The following CTNNA2 variants were observed in gnomAD, a reference collection of about 807,000 sequenced individuals.
The protein encoded by CTNNA2 is catenin alpha-2.
CTNNA2 carries 42 observed loss-of-function variants against 101.0 expected under a neutral mutation model. The observed-to-expected ratio is 0.42, with a 90% CI of 0.32 to 0.54. The LOEUF is 0.54. Ranked by LOEUF, CTNNA2 falls within the 20% of genes least tolerant of loss-of-function variation. The pLI is 0.14. For synonymous variants in CTNNA2, 450 were observed against 456.4 expected (o/e 0.99, Z 0.18); for missense variants, 871 against 1,223.1 (o/e 0.71, Z 4.29).
At position 80,302,423 on chromosome 2, in the gene CTNNA2, G is replaced by A; in HGVS notation, c.1057-90788G>A. 1 of 1,614,224 alleles carries A rather than the reference G, an allele frequency of 6.2e-7. No homozygotes were observed. The highest frequency in any genetic ancestry group is 1.1e-5 in the South Asian group (1 of 91,084). On this transcript the variant is annotated intron_variant, in intron 7 of 18. Coordinates refer to ENST00000402739, the MANE Select transcript of CTNNA2 (RefSeq NM_001282597.3). The surrounding 1 kb of genome is among the most constrained non-coding windows in gnomAD (Gnocchi z 6.4). ...TTTCTGCTTTTGCTTCCTGCGCTGC[G>A]TGACAAAGCACTGTCTGAGCTGCCT... is the stretch of plus-strand genomic sequence containing the variant.
rs3979544 is a variant in CTNNA2 at position 79,443,903 on chromosome 2, A to ACTCTCTCTCTCTCTCTCTCTCTCTCT, written c.-134-61138_-134-61113dup. ...AAGCTTTTATCTTATTTGTATACAT[A>ACTCTCTCTCTCTCTCTCTCTCTCTCT]CTCTCTCTCTCTCTCTCTCTCTCTC... On this transcript the variant is annotated intron_variant, in intron 4 of 21. Transcript: ENST00000466387. Among the ~76,000 whole-genome samples, 74 of 141,898 alleles carry ACTCTCTCTCTCTCTCTCTCTCTCTCT rather than the reference A, an allele frequency of 5.2e-4. No homozygotes were observed. In the East Asian group the frequency reaches 9.1e-3, roughly 17 times the overall value. The allele number at this position is 141,898 out of a possible 152,430, so 93.1% of individuals were successfully genotyped here. A position where few individuals can be genotyped will look rare whatever the true frequency, so the allele number is the denominator to read the frequency against.
At chr2:80,126,507 C>T (rs553831901) in intron 7 of CTNNA2, among the ~76,000 whole-genome samples, 1 of 152,024 alleles carries the variant, frequency 6.6e-6, no homozygotes, top group Admixed American at 6.6e-5. Flanking sequence ...CCTAATCCCT[C>T]TCCCAATCCC....
intron 7 of CTNNA2, among the ~76,000 whole-genome samples, chr2:80,390,529 G>C (rs1412487708): frequency 6.6e-6 from 1 of 152,170 alleles, no homozygotes; most frequent in Non-Finnish European, 1.5e-5. Context: ...TCCCAAACGT[G>C]TCTGTAGCAA....
chr2:79,881,639 T>G (rs997128465), intron 6 of CTNNA2, among the ~76,000 whole-genome samples: 1 of 151,928 alleles, frequency 6.6e-6, no homozygotes, highest in African/African-American at 2.4e-5. Flanking sequence ...CCCCTGCTTT[T>G]TTTGCTTTCC....
intron 3 of CTNNA2, among the ~76,000 whole-genome samples, chr2:79,317,742 G>A (rs866838830): frequency 3.9e-5 from 6 of 152,088 alleles, no homozygotes; most frequent in African/African-American, 1.4e-4. Flanking sequence ...CAGCCCATCT[G>A]CAAATTTATC....
chr2:80,111,510 A>T (rs887291475), intron 7 of CTNNA2, among the ~76,000 whole-genome samples: 1 of 152,052 alleles, frequency 6.6e-6, no homozygotes, highest in African/African-American at 2.4e-5. Context: ...TCTTCCCTTT[A>T]CCTATGAAGG....
At chr2:79,934,933 A>T (rs1459602046) in intron 7 of CTNNA2, among the ~76,000 whole-genome samples, 3 of 152,224 alleles carry the variant, frequency 2.0e-5, no homozygotes, top group African/African-American at 7.2e-5. Context: ...TTTAGAATGG[A>T]TGTATAAATA....
chr2:80,561,019 T>C (rs1693540028), intron 12 of CTNNA2, among the ~76,000 whole-genome samples: 1 of 152,162 alleles, frequency 6.6e-6, no homozygotes, highest in Admixed American at 6.5e-5. Flanking sequence ...TGTGTATCAA[T>C]GGGAAATCAT....
At chr2:79,887,968 C>G (rs927125697) in intron 6 of CTNNA2, among the ~76,000 whole-genome samples, 6 of 152,196 alleles carry the variant, frequency 3.9e-5, no homozygotes, top group African/African-American at 1.4e-4. Context: ...TTAAGAAACA[C>G]TCCTGTGGGT....
chr2:80,375,277 C>G (rs780584007), intron 7 of CTNNA2, among the ~76,000 whole-genome samples: 4 of 151,990 alleles, frequency 2.6e-5, no homozygotes, highest in Non-Finnish European at 5.9e-5. Flanking sequence ...GGGAAAAGGG[C>G]CTCCCCAGGA....
chr2:79,372,678 G>C (rs1450271937), intron 3 of CTNNA2, among the ~76,000 whole-genome samples: 1 of 152,148 alleles, frequency 6.6e-6, no homozygotes, highest in Non-Finnish European at 1.5e-5. Flanking sequence ...CAGATCCCTT[G>C]AATCAATACC....
chr2:79,722,865 A>G (rs1686578021), intron 2 of CTNNA2, among the ~76,000 whole-genome samples: 1 of 152,134 alleles, frequency 6.6e-6, no homozygotes, highest in Admixed American at 6.5e-5. Flanking sequence ...ACAGATCATG[A>G]TTATGTAGTT....
At chr2:79,906,346 C>T (rs764759596) in intron 6 of CTNNA2, among the ~76,000 whole-genome samples, 2 of 152,080 alleles carry the variant, frequency 1.3e-5, no homozygotes, top group Non-Finnish European at 2.9e-5. Context: ...TACCTCTTCC[C>T]GTGCACATGT....
intron 7 of CTNNA2, among the ~76,000 whole-genome samples, chr2:80,065,140 A>T (rs1697891600): frequency 6.6e-6 from 1 of 152,072 alleles, no homozygotes; most frequent in Admixed American, 6.6e-5. Flanking sequence ...CATAGTATTG[A>T]ATAGACCCAT....
At chr2:79,855,904 G>A (rs1159435629) in intron 3 of CTNNA2, among the ~76,000 whole-genome samples, 1 of 152,190 alleles carries the variant, frequency 6.6e-6, no homozygotes, top group African/African-American at 2.4e-5. Flanking sequence ...TACTTGCACT[G>A]TATAAAGTAG....
intron 9 of CTNNA2, among the ~76,000 whole-genome samples, chr2:80,540,095 G>A (rs536528063): frequency 1.7e-4 from 26 of 152,210 alleles, no homozygotes; most frequent in African/African-American, 6.3e-4. Context: ...TATATTGTCT[G>A]CTTTTTCACT....
At chr2:80,449,814 T>G (rs1429089257) in intron 9 of CTNNA2, among the ~76,000 whole-genome samples, 2 of 152,198 alleles carry the variant, frequency 1.3e-5, no homozygotes, top group African/African-American at 4.8e-5. Flanking sequence ...GTGCTTGGTG[T>G]GTAGCCAAGT....
upstream of CTNNA2, among the ~76,000 whole-genome samples, chr2:79,511,511 C>T (rs1308547299): frequency 6.6e-6 from 1 of 152,144 alleles, no homozygotes; most frequent in Non-Finnish European, 1.5e-5. Flanking sequence ...GGTAAGAGCA[C>T]GCGGTGTCAC....
chr2:80,395,721 C>T (rs1041254171), intron 8 of CTNNA2, among the ~76,000 whole-genome samples: 1 of 152,180 alleles, frequency 6.6e-6, no homozygotes, highest in African/African-American at 2.4e-5. Flanking sequence ...ATGTATACTG[C>T]TGAGATACTT....
Sources: gnomAD v4.1 joint callset for allele counts (sites outside exome capture counted in the v4.1 genomes callset) on GRCh38, gnomAD v4.1.1 for gene constraint, Gnocchi (gnomAD v3.1) non-coding constraint, MANE v1.5 for transcripts, NCBI Gene and HGNC (gene_info 2026-07-23, HGNC 2026-07-21) for gene names.